The following BET1 variants were observed in gnomAD, a reference collection of about 807,000 sequenced individuals.
BET1 encodes BET1 homolog.
In BET1, 9 loss-of-function variants were observed where a neutral mutation model predicts 13.9. The ratio of observed to expected loss-of-function variants is 0.65; its 90% CI spans 0.39 to 1.13. BET1 has a LOEUF of 1.13. BET1 is among the 50% of genes most tolerant of loss of function. The pLI is 0.01. For synonymous variants in BET1, 39 were observed against 47.3 expected (o/e 0.82, Z 0.72); for missense variants, 127 against 133.6 (o/e 0.95, Z 0.24).
intron 1 of BET1, among the ~76,000 whole-genome samples, chr7:94,001,714 T>TA (rs1387808312): frequency 5.3e-5 from 8 of 152,228 alleles, no homozygotes; most frequent in African/African-American, 1.9e-4. Context: ...TGTAGTTTAA[T>TA]AAGGGCCAAG....
At chr7:94,003,816 C>T (rs2072433) in intron 1 of BET1, among the ~76,000 whole-genome samples, 43,169 of 152,074 alleles carry the variant, frequency 0.28, 7,178 homozygotes, top group East Asian at 0.46. Context: ...TCAAATTCCG[C>T]TTCTGAAGAA....
In BET1 at chr7:93,994,203, C is replaced by G. The variant is rs1356370989; in HGVS notation, c.*27G>C. The G allele has an allele frequency of 1.3e-6, 2 of 1,580,482 alleles. No individual in the cohort carries two copies. The highest frequency in any genetic ancestry group is 1.7e-6 in the Non-Finnish European group (2 of 1,163,330). ...GGTACTGCAAGCCATTAAGTTGGAACAAATTCCAAATTCACAATTACATGC... is the reference window on the plus strand; with the variant it reads ...GGTACTGCAAGCCATTAAGTTGGAAGAAATTCCAAATTCACAATTACATGC... On this transcript the variant is annotated 3_prime_UTR_variant, in exon 4 of 4. Transcript: ENST00000222547.
chr7:93,993,418 C>G lies in BET1; in HGVS notation c.*812G>C, dbSNP rs1197461061. The stretch of plus-strand genomic sequence containing the variant: ...ATTAAAGCAATAATACTCTTATCTT[C>G]AAGTTCAATGCCTGAGTTTCTTGCA... On this transcript the variant is annotated 3_prime_UTR_variant, in exon 4 of 4. Transcript: ENST00000222547. 2.0e-5 allele frequency: 20 copies of G among 983,792 alleles called. No individual in the cohort carries two copies. The highest frequency in any genetic ancestry group is 2.4e-5 in the Non-Finnish European group (20 of 827,974). The allele number at this position is 983,792 out of a possible 1,614,324, so 60.9% of individuals were successfully genotyped here.
At chr7:93,986,127 C>T (rs893501505) in intron 4 of BET1, among the ~76,000 whole-genome samples, 5 of 152,116 alleles carry the variant, frequency 3.3e-5, no homozygotes, top group African/African-American at 1.2e-4. Context: ...TTTTGTTATT[C>T]GACCTATGTG....
At chr7:93,986,760 G>C (rs894978699) in intron 4 of BET1, among the ~76,000 whole-genome samples, 1 of 152,154 alleles carries the variant, frequency 6.6e-6, no homozygotes, top group Non-Finnish European at 1.5e-5. Context: ...ATCCCCTAGT[G>C]ATGTTGTAGC....
intron 1 of BET1, among the ~76,000 whole-genome samples, chr7:94,001,828 C>A (rs1344422420): frequency 3.9e-5 from 6 of 152,202 alleles, no homozygotes; most frequent in African/African-American, 1.4e-4. Context: ...AAACATTTGA[C>A]AACTTCACCA....
At chr7:93,976,306 CT>C (rs1795334925) in intron 4 of BET1, among the ~76,000 whole-genome samples, 1 of 151,732 alleles carries the variant, frequency 6.6e-6, no homozygotes, top group East Asian at 1.9e-4. Flanking sequence ...ACATCCAGAA[CT>C]ACTTTTCACA....
At chr7:93,986,563 A>C (rs2116084947) in intron 4 of BET1, among the ~76,000 whole-genome samples, 1 of 152,308 alleles carries the variant, frequency 6.6e-6, no homozygotes, top group South Asian at 2.1e-4. Context: ...CTGTCACTTG[A>C]ATACGTTCTT....
intron 1 of BET1, chr7:93,999,722 A>G (rs1354341723): frequency 2.2e-6 from 1 of 456,642 alleles, no homozygotes; most frequent in Non-Finnish European, 4.4e-6. Flanking sequence ...ACGGGAGCTC[A>G]TAGCGGCGAG....
intron 2 of BET1, among the ~76,000 whole-genome samples, 191 bp downstream of exon 2, chr7:93,998,979 T>C (rs1795832984): frequency 6.6e-6 from 1 of 152,152 alleles, no homozygotes; most frequent in South Asian, 2.1e-4. Context: ...AAAAAATCTA[T>C]CTTTTGATGT....
chr7:93,963,205 C>T (rs945833017), exon 7 of BET1: 3 of 151,890 alleles, frequency 2.0e-5, no homozygotes, highest in African/African-American at 2.4e-5. Context: ...ACTTCCATTT[C>T]GCATTCCACC....
chr7:93,963,410 A>C (rs560894375), exon 7 of BET1: 8 of 152,186 alleles, frequency 5.3e-5, no homozygotes, highest in African/African-American at 1.7e-4. Context: ...GTATACATGC[A>C]TGCTGAATCT....
rs1368369193 is a variant in BET1 at position 94,001,323 on chromosome 7, CACTGTTATTGA to C, written c.20-2040_20-2030del. 4.6e-5 allele frequency among the ~76,000 whole-genome samples: 7 copies of C among 152,152 alleles called. No homozygotes were observed. In the East Asian group the frequency reaches 1.2e-3, roughly 25 times the overall value. ...CTAATTAATGAAAAGAATCTGAGTT[CACTGTTATTGA>C]ACTTTGAATGTGCATACCTTTGTCC... On this transcript the variant is annotated intron_variant, in intron 1 of 3. Coordinates refer to ENST00000222547, the MANE Select transcript of BET1 (RefSeq NM_005868.6).
chr7:93,967,578 A>C (rs1474501276), intron 6 of BET1, among the ~76,000 whole-genome samples: 2 of 151,820 alleles, frequency 1.3e-5, no homozygotes, highest in Non-Finnish European at 1.5e-5. Flanking sequence ...CTAAAACCAG[A>C]TTTTATATCT....
chr7:93,990,019 C>G (rs1337227541), downstream of BET1, among the ~76,000 whole-genome samples: 1 of 151,986 alleles, frequency 6.6e-6, no homozygotes, highest in Non-Finnish European at 1.5e-5. Context: ...CATATTTGGA[C>G]TCCTTGAAAT....
intron 4 of BET1, among the ~76,000 whole-genome samples, chr7:93,979,781 G>C (rs1185891568): frequency 6.6e-6 from 1 of 151,500 alleles, no homozygotes; most frequent in African/African-American, 2.4e-5. Context: ...TAATTCTTCT[G>C]AGGGTTGCTC....
chr7:94,001,532 T>C (rs1157617565), intron 1 of BET1, among the ~76,000 whole-genome samples: 2 of 152,162 alleles, frequency 1.3e-5, no homozygotes, highest in Non-Finnish European at 2.9e-5. Flanking sequence ...AGTTGTACTA[T>C]CTGAATTTTG....
At chr7:93,994,442 G>C in intron 3 of BET1, 57 bp from the exon 4 acceptor site, 1 of 1,489,362 alleles carries the variant, frequency 6.7e-7, no homozygotes, top group Non-Finnish European at 9.1e-7. Context: ...GTCTACATAT[G>C]CATATCCAAG....
intron 2 of BET1, among the ~76,000 whole-genome samples, chr7:93,998,962 G>A (rs957320961): frequency 3.3e-5 from 5 of 151,986 alleles, no homozygotes; most frequent in African/African-American, 1.2e-4. Context: ...TTTTTCTTAA[G>A]TATTAAAAAA....
Sources: gnomAD v4.1 joint callset for allele counts (sites outside exome capture counted in the v4.1 genomes callset) on GRCh38, gnomAD v4.1.1 for gene constraint, MANE v1.5 for transcripts, NCBI Gene and HGNC (gene_info 2026-07-23, HGNC 2026-07-21) for gene names.